KIAA1217: variants seen among roughly 807,000 people sequenced by gnomAD.
KIAA1217 encodes the protein KIAA1217.
A neutral mutation model predicts 163.9 loss-of-function variants in KIAA1217; 88 were observed. The ratio of observed to expected loss-of-function variants is 0.54; its 90% CI spans 0.45 to 0.64. KIAA1217 has a LOEUF of 0.64. Ranked by LOEUF, KIAA1217 falls within the 30% of genes least tolerant of loss-of-function variation. The pLI is 0.00. For missense variants in KIAA1217, 2,372 were observed against 2,475.0 expected, an observed-to-expected ratio of 0.96 and a Z score of 0.88; for synonymous variants, 903 against 923.1, an observed-to-expected ratio of 0.98 and a Z score of 0.39.
intron 1 of KIAA1217, among the ~76,000 whole-genome samples, chr10:23,998,652 C>T (rs1229374600): frequency 6.6e-6 from 1 of 152,116 alleles, no homozygotes; most frequent in East Asian, 1.9e-4. Context: ...TTCCATGACA[C>T]TATATTCTGA....
At chr10:23,930,707 C>T (rs1033027246) in intron 1 of KIAA1217, among the ~76,000 whole-genome samples, 1 of 152,182 alleles carries the variant, frequency 6.6e-6, no homozygotes, top group Non-Finnish European at 1.5e-5. Flanking sequence ...TGTGATTCAT[C>T]AGGAAAAAGA....
intron 1 of KIAA1217, among the ~76,000 whole-genome samples, chr10:23,765,391 T>C (rs1239699077): frequency 6.6e-6 from 1 of 152,044 alleles, no homozygotes. Flanking sequence ...GCCAGGATGG[T>C]CTCAATCTCC....
intron 2 of KIAA1217, among the ~76,000 whole-genome samples, chr10:24,355,750 TTTTTTTTTTTTTTTTTG>T (rs2049017947): frequency 5.0e-5 from 5 of 99,940 alleles, no homozygotes; most frequent in Middle Eastern, 4.6e-3. Flanking sequence ...TTTTTTTTTT[TTTTTTTTTTTTTTTTTG>T]AGACAGAGTC....
chr10:23,787,109 G>C (rs1835527938), intron 1 of KIAA1217, among the ~76,000 whole-genome samples: 1 of 152,088 alleles, frequency 6.6e-6, no homozygotes, highest in Admixed American at 6.6e-5. Context: ...AAAAATGCGA[G>C]TTTAATACAT....
intron 1 of KIAA1217, among the ~76,000 whole-genome samples, chr10:23,816,450 A>T (rs1314518241): frequency 6.6e-6 from 1 of 151,630 alleles, no homozygotes; most frequent in African/African-American, 2.4e-5. Context: ...CTGCCACCAT[A>T]CCCGGCTAAT....
At chr10:23,853,048 A>G (rs528164989) in intron 1 of KIAA1217, among the ~76,000 whole-genome samples, 206 of 152,266 alleles carry the variant, frequency 1.4e-3, no homozygotes, top group African/African-American at 4.9e-3. Context: ...TTCCAACACT[A>G]TGTTGACTAG....
rs141032949 is a variant in KIAA1217, at chr10:24,494,994, A to C, written c.1785-153A>C. On this transcript the variant is annotated intron_variant, in intron 7 of 20. Coordinates refer to ENST00000376454, the MANE Select transcript of KIAA1217 (RefSeq NM_019590.5). ...GGTGCACACCTGGGAAGCCTTTTCCATCCTGGCCAATTGTGATGCTGATGC... is the reference window on the plus strand; with the variant it reads ...GGTGCACACCTGGGAAGCCTTTTCCCTCCTGGCCAATTGTGATGCTGATGC... 874 of 651,798 alleles carry C rather than the reference A, an allele frequency of 1.3e-3. 2 individuals are homozygous for C. The African/African-American group carries it at 0.015, about 11-fold the overall frequency. The allele number at this position is 651,798 out of a possible 1,614,324, so 40.4% of individuals were successfully genotyped here.
intron 2 of KIAA1217, among the ~76,000 whole-genome samples, chr10:24,260,867 A>G (rs1216145615): frequency 2.0e-5 from 3 of 152,122 alleles, no homozygotes; most frequent in Admixed American, 2.0e-4. Flanking sequence ...TGTATTTTTT[A>G]TCTTGTTTCC....
At chr10:24,193,801 T>TACACACACACAC (rs10562687) in intron 2 of KIAA1217, among the ~76,000 whole-genome samples, 1 of 142,298 alleles carries the variant, frequency 7.0e-6, no homozygotes, top group African/African-American at 2.6e-5. Flanking sequence ...CAGCGTTTTC[T>TACACACACACAC]ACACACACAC....
At chr10:23,799,872 C>A (rs990043283) in intron 1 of KIAA1217, among the ~76,000 whole-genome samples, 13 of 152,162 alleles carry the variant, frequency 8.5e-5, no homozygotes, top group African/African-American at 3.1e-4. Flanking sequence ...AAAAAGGCAG[C>A]AAACAGGGGA....
chr10:24,479,778 C>T (rs2064434663), intron 6 of KIAA1217, among the ~76,000 whole-genome samples: 1 of 152,084 alleles, frequency 6.6e-6, no homozygotes, highest in African/African-American at 2.4e-5. Context: ...GAGAAGTGAA[C>T]CCAGGCAAAG....
intron 1 of KIAA1217, among the ~76,000 whole-genome samples, chr10:23,869,554 C>A (rs751858901): frequency 2.0e-5 from 3 of 151,824 alleles, no homozygotes; most frequent in Non-Finnish European, 4.4e-5. Flanking sequence ...CTCAATCGGT[C>A]GTGAGGTAGA....
intron 2 of KIAA1217, among the ~76,000 whole-genome samples, chr10:24,025,139 T>C (rs540159129): frequency 1.3e-5 from 2 of 151,918 alleles, no homozygotes; most frequent in East Asian, 3.9e-4. Context: ...AAAGTTTGAA[T>C]CTTTTTAGGT....
chr10:24,077,508 A>T (rs1286827285), intron 2 of KIAA1217, among the ~76,000 whole-genome samples: 1 of 152,176 alleles, frequency 6.6e-6, no homozygotes, highest in African/African-American at 2.4e-5. Flanking sequence ...AAAGGACATG[A>T]TCTCATTCCT....
At chr10:23,800,577 C>T (rs894013182) in intron 1 of KIAA1217, among the ~76,000 whole-genome samples, 1 of 152,200 alleles carries the variant, frequency 6.6e-6, no homozygotes, top group East Asian at 1.9e-4. Flanking sequence ...TAAAAGGACA[C>T]TGTGTGATTA....
At chr10:24,147,857 A>T (rs2064403222) in intron 2 of KIAA1217, among the ~76,000 whole-genome samples, 2 of 149,832 alleles carry the variant, frequency 1.3e-5, no homozygotes, top group Non-Finnish European at 3.0e-5. Flanking sequence ...AAAAAAAAAA[A>T]AAAAAGAAAG....
intron 2 of KIAA1217, among the ~76,000 whole-genome samples, chr10:24,301,945 T>C (rs765421320): frequency 4.6e-5 from 7 of 152,240 alleles, no homozygotes; most frequent in African/African-American, 1.2e-4. Flanking sequence ...CTTGGGAGGC[T>C]GAGGCAGGAG....
chr10:23,766,568 CT>C (rs61095518), intron 1 of KIAA1217, among the ~76,000 whole-genome samples: 5,364 of 141,536 alleles, frequency 0.038, 339 homozygotes, highest in African/African-American at 0.13. Context: ...TTTTTCTTTT[CT>C]TTTTTTTTTC....
chr10:23,931,749 A>G (rs894883539), intron 1 of KIAA1217, among the ~76,000 whole-genome samples: 2 of 152,164 alleles, frequency 1.3e-5, no homozygotes, highest in African/African-American at 2.4e-5. Flanking sequence ...AATATATGGC[A>G]GATATGCAGT....
Sources: gnomAD v4.1 joint callset for allele counts (sites outside exome capture counted in the v4.1 genomes callset) on GRCh38, gnomAD v4.1.1 for gene constraint, MANE v1.5 for transcripts, NCBI Gene and HGNC (gene_info 2026-07-23, HGNC 2026-07-21) for gene names.